Variants in SLC4A7 observed in about 807,000 individuals in gnomAD.
SLC4A7 encodes the protein solute carrier family 4 member 7, also known as sodium bicarbonate cotransporter 3.
In SLC4A7, 51 loss-of-function variants were observed where a neutral mutation model predicts 137.6. The observed-to-expected ratio is 0.37, with a 90% CI of 0.30 to 0.47. The LOEUF (loss-of-function observed/expected upper bound fraction) is 0.47, where lower values mean the gene tolerates loss of function less well. Among genes scored for constraint, SLC4A7 ranks in the 20% least tolerant of loss-of-function variants. The pLI is 1.00. For synonymous variants in SLC4A7, 542 were observed against 518.6 expected (o/e 1.05, Z -0.61); for missense variants, 1,247 against 1,525.4 (o/e 0.82, Z 3.04).
chr3:27,475,370 C>G (rs572989597), intron 1 of SLC4A7, among the ~76,000 whole-genome samples: 18 of 150,958 alleles, frequency 1.2e-4, no homozygotes, highest in African/African-American at 4.4e-4. Context: ...TAGAGTAATT[C>G]CAATTTGCAC....
chr3:27,482,990 G>A (rs375426355), intron 1 of SLC4A7, among the ~76,000 whole-genome samples: 1 of 152,200 alleles, frequency 6.6e-6, no homozygotes, highest in Admixed American at 6.5e-5. Flanking sequence ...AGGGAAAGCC[G>A]GCAGGCAGTT....
chr3:27,451,334 A>G (rs1262773776), intron 2 of SLC4A7, among the ~76,000 whole-genome samples: 2 of 152,084 alleles, frequency 1.3e-5, no homozygotes, highest in Non-Finnish European at 2.9e-5. Flanking sequence ...AAAAATGTCT[A>G]TCAAAATATT....
rs574467528 is a variant in SLC4A7 at position 27,448,190 on chromosome 3, C to T, written c.289+461G>A. Among the ~76,000 whole-genome samples, 11 of 131,732 alleles carry T rather than the reference C, an allele frequency of 8.4e-5. No homozygotes were observed. In the East Asian group the frequency reaches 2.1e-3, roughly 25 times the overall value. 86.4% of individuals were successfully genotyped at this position (131,732 alleles called of 152,430 possible). On this transcript the variant is annotated intron_variant, in intron 3 of 25. Transcript: ENST00000454389. ...TCGTACCACTGCACTCCAGCCCAGC[C>T]GGGGTGACAGAGTAAGACTCCATCT...
chr3:27,401,243 T>C (rs919068303), intron 15 of SLC4A7, among the ~76,000 whole-genome samples: 2 of 152,174 alleles, frequency 1.3e-5, no homozygotes, highest in Non-Finnish European at 1.5e-5. Context: ...ATAGCACATA[T>C]AGATTCCCAA....
chr3:27,407,082 TGAAAAGCAGATA>T (rs1339908897), intron 13 of SLC4A7, among the ~76,000 whole-genome samples: 7 of 149,440 alleles, frequency 4.7e-5, no homozygotes, highest in African/African-American at 1.7e-4. Context: ...AATCTTGGGC[TGAAAAGCAGATA>T]TTGCCATATG....
At chr3:27,405,746 TAAC>T (rs1000446294) in intron 13 of SLC4A7, among the ~76,000 whole-genome samples, 2 of 152,078 alleles carry the variant, frequency 1.3e-5, no homozygotes, top group African/African-American at 4.8e-5. Context: ...CTGAAATATT[TAAC>T]AAAATAAATG....
At chr3:27,462,998 G>C (rs969503814) in intron 1 of SLC4A7, among the ~76,000 whole-genome samples, 5 of 152,340 alleles carry the variant, frequency 3.3e-5, no homozygotes, top group Admixed American at 3.3e-4. Context: ...AAAATATTAA[G>C]AAAGCAGGGA....
At position 27,439,483 on chromosome 3, in the gene SLC4A7, A is replaced by G. The variant is rs527728683; in HGVS notation, c.290-1957T>C. Among the ~76,000 whole-genome samples the G allele has an allele frequency of 1.1e-4, 17 of 152,308 alleles. No homozygotes were observed. The East Asian group carries it at 3.3e-3, about 29-fold the overall frequency. On this transcript the variant is annotated intron_variant, in intron 3 of 25. Coordinates refer to ENST00000454389, the MANE Select transcript of SLC4A7 (RefSeq NM_001321103.2). ...AGGTCTTGCACAAATCTTTGTCAGAATGATCCCTAAATACTACTTTTAGTG... is the reference window on the plus strand; with the variant it reads ...AGGTCTTGCACAAATCTTTGTCAGAGTGATCCCTAAATACTACTTTTAGTG...
intron 3 of SLC4A7, among the ~76,000 whole-genome samples, chr3:27,441,641 G>A (rs2057202239): frequency 6.6e-6 from 1 of 151,794 alleles, no homozygotes; most frequent in Admixed American, 6.6e-5. Flanking sequence ...GATGCACATT[G>A]CCATACCCAG....
Position 27,398,213 on chromosome 3 carries a change from G to A in SLC4A7, c.2568C>T (p.Thr856=), listed in dbSNP as rs780772212. ...FLSSFLKQFK[T]KRYFPTKVRS... Reference sequence around the variant, plus strand: ...TTACCTTGGTAGGAAAGTAACGCTTGGTCTTAAATTGCTTGAGGAATGAAG... The same window carrying A: ...TTACCTTGGTAGGAAAGTAACGCTTAGTCTTAAATTGCTTGAGGAATGAAG... The change falls in exon 17 of 26, where the codon ACC becomes ACT. Residue 856 remains threonine (T), a synonymous_variant. Transcript: ENST00000454389. The A allele has an allele frequency of 6.2e-6, 10 of 1,610,280 alleles. No homozygotes were observed. Among genetic ancestry groups the A allele is most frequent in the African/African-American group, 5.4e-5 (4 of 74,738 alleles).
rs34846975 is a variant in SLC4A7 at position 27,448,216 on chromosome 3, CAAAAAAA to C, written c.289+428_289+434del. Among the ~76,000 whole-genome samples the C allele has an allele frequency of 2.9e-5, 3 of 104,378 alleles. No homozygotes were observed. The Admixed American group carries it at 3.3e-4, about 12-fold the overall frequency. The allele number at this position is 104,378 out of a possible 152,430, so 68.5% of individuals were successfully genotyped here. On this transcript the variant is annotated intron_variant, in intron 3 of 25. Coordinates refer to ENST00000454389, the MANE Select transcript of SLC4A7 (RefSeq NM_001321103.2). ...GGGGTGACAGAGTAAGACTCCATCT[CAAAAAAA>C]AAAAAAAAAAAGAAGAAGGAAAAAA...
chr3:27,431,880 T>TA (rs962440884), intron 6 of SLC4A7, among the ~76,000 whole-genome samples: 40 of 151,526 alleles, frequency 2.6e-4, no homozygotes, highest in African/African-American at 8.2e-4. Context: ...TCAGAACACA[T>TA]AAAAAAAAAT....
chr3:27,472,199 C>G (rs975333131), intron 1 of SLC4A7, among the ~76,000 whole-genome samples: 1 of 152,162 alleles, frequency 6.6e-6, no homozygotes, highest in African/African-American at 2.4e-5. Flanking sequence ...ATTGCTAAAC[C>G]AATGCAATTA....
intron 3 of SLC4A7, among the ~76,000 whole-genome samples, chr3:27,441,459 A>T (rs1221662361): frequency 1.3e-5 from 2 of 152,066 alleles, no homozygotes; most frequent in African/African-American, 4.8e-5. Flanking sequence ...AAAGTTTTAG[A>T]CTACACATTT....
intron 20 of SLC4A7, among the ~76,000 whole-genome samples, chr3:27,393,981 T>C (rs906866326): frequency 6.6e-6 from 1 of 152,096 alleles, no homozygotes. Flanking sequence ...ACAAATACTT[T>C]TATTTATGAG....
chr3:27,446,097 T>A (rs1434758811), intron 3 of SLC4A7, among the ~76,000 whole-genome samples: 1 of 143,488 alleles, frequency 7.0e-6, no homozygotes, highest in Non-Finnish European at 1.5e-5. Context: ...ATTAACTTGA[T>A]TGTGATAATC....
At position 27,375,133 on chromosome 3, in the gene SLC4A7, A is replaced by G. The variant is rs530651499; in HGVS notation, c.*1631T>C. 2 of 152,196 alleles carry G rather than the reference A, an allele frequency of 1.3e-5. No homozygotes were observed. Among genetic ancestry groups the G allele is most frequent in the African/African-American group, 4.8e-5 (2 of 41,570 alleles). 9.4% of individuals were successfully genotyped at this position (152,196 alleles called of 1,614,324 possible). A position where few individuals can be genotyped will look rare whatever the true frequency, so the allele number is the denominator to read the frequency against. On this transcript the variant is annotated 3_prime_UTR_variant, in exon 26 of 26. Coordinates refer to ENST00000454389, the MANE Select transcript of SLC4A7 (RefSeq NM_001321103.2). ...AGGAGGACATTACATTAGTTAATAA[A>G]TAGTTTATAATGAATTTAAAACACC...
At chr3:27,468,753 C>T (rs1420458429) in intron 1 of SLC4A7, among the ~76,000 whole-genome samples, 1 of 151,916 alleles carries the variant, frequency 6.6e-6, no homozygotes. Context: ...AAAAATTAAA[C>T]AAGATGTTGC....
intron 18 of SLC4A7, among the ~76,000 whole-genome samples, chr3:27,396,153 T>A (rs980991467): frequency 6.6e-6 from 1 of 152,184 alleles, no homozygotes; most frequent in South Asian, 2.1e-4. Context: ...TTTGTCAATA[T>A]AAAAGGGAAA....
Sources: gnomAD v4.1 joint callset for allele counts (sites outside exome capture counted in the v4.1 genomes callset) on GRCh38, gnomAD v4.1.1 for gene constraint, MANE v1.5 for transcripts, NCBI Gene and HGNC (gene_info 2026-07-23, HGNC 2026-07-21) for gene names.